Variants in RINL observed in about 807,000 individuals in gnomAD.
RINL encodes the protein Ras and Rab interactor like.
RINL carries 39 observed loss-of-function variants against 58.1 expected under a neutral mutation model. The ratio of observed to expected loss-of-function variants is 0.67; its 90% CI spans 0.52 to 0.88. The LOEUF is 0.88. Among genes scored for constraint, RINL ranks in the 40% least tolerant of loss-of-function variants. The pLI, the probability that RINL is intolerant of heterozygous loss-of-function variation, is 0.00. For missense variants in RINL, 711 were observed against 749.2 expected (o/e 0.95, Z 0.60); for synonymous variants, 286 against 323.1 (o/e 0.89, Z 1.23).
chr19:38,873,772 C>G, intron 4 of RINL, 114 bp downstream of exon 4: 1 of 641,826 alleles, frequency 1.6e-6, no homozygotes, highest in Non-Finnish European at 2.7e-6. Flanking sequence ...GCGATCCACC[C>G]GCCTCGACCT....
chr19:38,873,781 CT>C (rs1197578217), intron 4 of RINL, 104 bp downstream of exon 4: 1 of 688,194 alleles, frequency 1.5e-6, no homozygotes, highest in Non-Finnish European at 2.5e-6. Flanking sequence ...CCGCCTCGAC[CT>C]ACCAAAGTGC....
Position 38,868,816 on chromosome 19 carries a change from C to T in RINL, c.*288G>A. On this transcript the variant is annotated 3_prime_UTR_variant, in exon 12 of 12. Transcript: ENST00000591812. Reference sequence around the variant, plus strand: ...CTTCTCGGAATGCTCTTCCTAATACCCACTCTGCTCCTCCCTTCCCCTCCC... The same window carrying T: ...CTTCTCGGAATGCTCTTCCTAATACTCACTCTGCTCCTCCCTTCCCCTCCC... 2.9e-6 allele frequency: 1 copy of T among 348,720 alleles called. No individual in the cohort carries two copies. Among genetic ancestry groups the T allele is most frequent in the Non-Finnish European group, 5.3e-6 (1 of 188,196 alleles). The allele number at this position is 348,720 out of a possible 1,614,324, so 21.6% of individuals were successfully genotyped here. A position where few individuals can be genotyped will look rare whatever the true frequency, so the allele number is the denominator to read the frequency against.
rs897085595 is a variant in RINL, at chr19:38,868,618, C to G, written c.*486G>C. ...ACTACACTCCAGCCTGGGCAACAGA[C>G]AGAGACGTTCTTTCAAAACAAAACA... On this transcript the variant is annotated 3_prime_UTR_variant, in exon 12 of 12. Transcript: ENST00000591812. The G allele has an allele frequency of 1.3e-5, 2 of 153,278 alleles. No individual in the cohort carries two copies. The highest frequency in any genetic ancestry group is 2.9e-5 in the Non-Finnish European group (2 of 68,824). The allele number at this position is 153,278 out of a possible 1,614,324, so 9.5% of individuals were successfully genotyped here.
Position 38,871,068 on chromosome 19 carries a change from C to G in RINL, c.601+10G>C. ...TCCCCTTCAGAGGCCCAGGGCCCCGCCCAGCTAACCTGGATCATGTCTCTG... is the reference window on the plus strand; with the variant it reads ...TCCCCTTCAGAGGCCCAGGGCCCCGGCCAGCTAACCTGGATCATGTCTCTG... On this transcript the variant is annotated intron_variant, in intron 7 of 11. Coordinates refer to ENST00000591812, the MANE Select transcript of RINL (RefSeq NM_001195833.2). The G allele has an allele frequency of 6.3e-7, 1 of 1,587,658 alleles. No individual in the cohort carries two copies. Among genetic ancestry groups the G allele is most frequent in the Non-Finnish European group, 8.6e-7 (1 of 1,167,934 alleles).
In RINL at chr19:38,869,351, C is replaced by T; in HGVS notation, c.1534G>A (p.Glu512Lys). 1.9e-6 allele frequency: 3 copies of T among 1,613,748 alleles called. No individual in the cohort carries two copies. Among genetic ancestry groups the T allele is most frequent in the South Asian group, 1.1e-5 (1 of 91,022 alleles). Residue 512 changes from glutamate (E) to lysine (K), a missense_variant, in exon 11 of 12, where the codon GAA becomes AAA. Transcript: ENST00000591812. This position sits in a 1 kb window ranked among gnomAD's most constrained non-coding sequence, Gnocchi z 5.7. ...ALHHIAHYQPETDRAPRGLSS... is the reference protein window; with the variant it reads ...ALHHIAHYQPKTDRAPRGLSS... Reference sequence around the variant, plus strand: ...AGCCCCCGGGGAGCGCGGTCTGTTTCGGGCTGGTAGTGGGCAATGTGGTGC... The same window carrying T: ...AGCCCCCGGGGAGCGCGGTCTGTTTTGGGCTGGTAGTGGGCAATGTGGTGC...
rs1393859312 is a variant in RINL, at chr19:38,870,545, G to A, written c.1024+25C>T. The A allele has an allele frequency of 1.3e-6, 2 of 1,528,528 alleles. No individual in the cohort carries two copies. The highest frequency in any genetic ancestry group is 1.4e-5 in the African/African-American group (1 of 72,030). 94.7% of individuals were successfully genotyped at this position (1,528,528 alleles called of 1,614,324 possible). A position where few individuals can be genotyped will look rare whatever the true frequency, so the allele number is the denominator to read the frequency against. On this transcript the variant is annotated intron_variant, in intron 8 of 11. Transcript: ENST00000591812. The surrounding 1 kb of genome is among the most constrained non-coding windows in gnomAD (Gnocchi z 5.8). ...GAAGTTGCACACTTGAACCCGTGGG[G>A]GCTCCCTTCCAGTCCTCCCATTACC...
At chr19:38,872,554 G>C (rs538724865) in intron 4 of RINL, among the ~76,000 whole-genome samples, 19 of 152,110 alleles carry the variant, frequency 1.2e-4, no homozygotes, top group Non-Finnish European at 2.1e-4. Context: ...ATTGTATTGA[G>C]TGCTATGAAG....
rs780658663 is a variant in RINL at position 38,870,794 on chromosome 19, A to T, written c.800T>A (p.Val267Asp). Reference protein sequence around the residue: ...DVLTIHVQSLVRARSSYVARQ... With the variant: ...DVLTIHVQSLDRARSSYVARQ... ...GGCCACGTAGCTGCTCCGGGCCCTG[A>T]CCAGAGACTGGACGTGAATGGTGAG... Residue 267 changes from valine to aspartate, a missense_variant, in exon 8 of 12, where the codon GTC becomes GAC. By Grantham distance (152) the Val-to-Asp change is radical (BLOSUM62 -3). Transcript: ENST00000591812. The surrounding 1 kb of genome is among the most constrained non-coding windows in gnomAD (Gnocchi z 5.8). 131 of 1,612,286 alleles carry T rather than the reference A, an allele frequency of 8.1e-5. No homozygotes were observed. The Admixed American group carries it at 2.1e-3, about 26-fold the overall frequency.
At position 38,870,491 on chromosome 19, in the gene RINL, G is replaced by T; in HGVS notation, c.1024+79C>A. The T allele has an allele frequency of 2.1e-6, 3 of 1,441,614 alleles. No homozygotes were observed. The highest frequency in any genetic ancestry group is 2.8e-6 in the Non-Finnish European group (3 of 1,086,206). The allele number at this position is 1,441,614 out of a possible 1,614,324, so 89.3% of individuals were successfully genotyped here. On this transcript the variant is annotated intron_variant, in intron 8 of 11. Coordinates refer to ENST00000591812, the MANE Select transcript of RINL (RefSeq NM_001195833.2). This position sits in a 1 kb window ranked among gnomAD's most constrained non-coding sequence, Gnocchi z 5.8. ...GTAGGAAGGGCGTGTGGGTGCAGAA[G>T]GAAACGTGTGCGCACCGATGGAGAG...
At chr19:38,874,653 C>T (rs1343429511) in intron 3 of RINL, among the ~76,000 whole-genome samples, 1 of 152,162 alleles carries the variant, frequency 6.6e-6, no homozygotes, top group Non-Finnish European at 1.5e-5. Context: ...AAGGATGATA[C>T]CCTCCTGAGG....
chr19:38,869,428 A>T lies in RINL; in HGVS notation c.1475-18T>A. 1 of 1,583,366 alleles carries T rather than the reference A, an allele frequency of 6.3e-7. No individual in the cohort carries two copies. The highest frequency in any genetic ancestry group is 1.1e-5 in the South Asian group (1 of 87,526). ...GTACCCAGCTGGGGACAGAAAGGGA[A>T]GTCAGCTCCGCCCTCTCGGCTTCCC... On this transcript the variant is annotated intron_variant, in intron 10 of 11. Transcript: ENST00000591812. This position sits in a 1 kb window ranked among gnomAD's most constrained non-coding sequence, Gnocchi z 5.7.
Position 38,871,647 on chromosome 19 carries a change from C to T in RINL, c.451G>A (p.Asp151Asn), listed in dbSNP as rs755164424. ...PTLGPRDEHT[D>N]PVQIGRVQQD... ...CCCTCTTTAGAGAACCGTGCCTCACCTGTGTGTTCATCTCTGGGCCCTAGA... is the reference window on the plus strand; with the variant it reads ...CCCTCTTTAGAGAACCGTGCCTCACTTGTGTGTTCATCTCTGGGCCCTAGA... Residue 151 changes from aspartate (D) to asparagine (N), a missense_variant and splice_region_variant, in exon 6 of 12, where the codon GAT becomes AAT. By Grantham distance (23) the Asp-to-Asn change is conservative (BLOSUM62 1). Coordinates refer to ENST00000591812, the MANE Select transcript of RINL (RefSeq NM_001195833.2). The T allele has an allele frequency of 4.3e-6, 7 of 1,613,688 alleles. No homozygotes were observed. The highest frequency in any genetic ancestry group is 5.9e-6 in the Non-Finnish European group (7 of 1,179,852).
intron 1 of RINL, among the ~76,000 whole-genome samples, chr19:38,877,592 A>G (rs1208051217): frequency 6.6e-6 from 1 of 152,236 alleles, no homozygotes; most frequent in Non-Finnish European, 1.5e-5. Flanking sequence ...CCCTATGCCC[A>G]CTACCAAGAT....
Position 38,869,458 on chromosome 19 carries a change from C to A in RINL, c.1475-48G>T, listed in dbSNP as rs890496471. On this transcript the variant is annotated intron_variant, in intron 10 of 11. Transcript: ENST00000591812. This position sits in a 1 kb window ranked among gnomAD's most constrained non-coding sequence, Gnocchi z 5.7. The stretch of plus-strand genomic sequence containing the variant: ...GCTCCGCCCTCTCGGCTTCCCTGGT[C>A]GCCCCAAATCCCCCTGCAGTTTGCC... 3 of 1,572,988 alleles carry A rather than the reference C, an allele frequency of 1.9e-6. No individual in the cohort carries two copies. Among genetic ancestry groups the A allele is most frequent in the South Asian group, 2.3e-5 (2 of 85,702 alleles).
rs540276671 is a variant in RINL, at chr19:38,876,753, C to T, written c.-11G>A. On this transcript the variant is annotated 5_prime_UTR_variant, in exon 2 of 12. Transcript: ENST00000591812. Reference sequence around the variant, plus strand: ...TTCTGGCTGGGCCATCGTCAGGTTGCAGGAAGCCAGTGAGTCATGACCTGG... The same window carrying T: ...TTCTGGCTGGGCCATCGTCAGGTTGTAGGAAGCCAGTGAGTCATGACCTGG... 1.4e-4 allele frequency: 220 copies of T among 1,535,954 alleles called. No individual in the cohort carries two copies. Among genetic ancestry groups the T allele is most frequent in the Admixed American group, 3.9e-4 (20 of 50,984 alleles).
intron 1 of RINL, 133 bp from the exon 2 acceptor site, chr19:38,876,914 ATTCT>A (rs374808299): frequency 4.2e-4 from 253 of 606,150 alleles, no homozygotes; most frequent in South Asian, 3.7e-3. Context: ...GCAGGGGTTA[ATTCT>A]TTATTTTATT....
rs113282273 is a variant in RINL at position 38,868,969 on chromosome 19, T to G, written c.*135A>C. 225 of 742,116 alleles carry G rather than the reference T, an allele frequency of 3.0e-4. No homozygotes were observed. The highest frequency in any genetic ancestry group is 2.8e-3 in the African/African-American group (153 of 55,276). 46.0% of individuals were successfully genotyped at this position (742,116 alleles called of 1,614,324 possible). A position where few individuals can be genotyped will look rare whatever the true frequency, so the allele number is the denominator to read the frequency against. On this transcript the variant is annotated 3_prime_UTR_variant, in exon 12 of 12. Transcript: ENST00000591812. ...CCACCACGCCCGGCTAATTTTTGTT[T>G]TTTTTTTTTTTTGGTAGATGGGGGT... is the stretch of plus-strand genomic sequence containing the variant.
intron 3 of RINL, among the ~76,000 whole-genome samples, chr19:38,874,856 C>T (rs545067495): frequency 3.7e-4 from 57 of 152,120 alleles, no homozygotes; most frequent in Non-Finnish European, 7.1e-4. Flanking sequence ...TTGCTACAGC[C>T]GGGCACGGTG....
chr19:38,874,118 T>A, intron 3 of RINL, 130 bp from the exon 4 acceptor site: 2 of 624,400 alleles, frequency 3.2e-6, no homozygotes, highest in Non-Finnish European at 5.7e-6. Context: ...ACCCTCTCCC[T>A]ACTTTCAGTC....
Sources: allele counts gnomAD v4.1 joint callset (sites outside exome capture counted in the v4.1 genomes callset), GRCh38; gene constraint gnomAD v4.1.1; non-coding constraint Gnocchi (gnomAD v3.1); transcripts MANE v1.5; gene names NCBI Gene and HGNC (gene_info 2026-07-23, HGNC 2026-07-21).